HEMK2: variants seen among roughly 807,000 people sequenced by gnomAD.
The protein encoded by HEMK2 is methyltransferase HEMK2.
chr21:28,674,392 T>C, the HEMK2 span, among the ~76,000 whole-genome samples: 2 of 152,190 alleles, frequency 1.3e-5, no homozygotes, highest in Admixed American at 1.3e-4. Flanking sequence ...CCTGAATTCT[T>C]TCTCGCTCAA....
the HEMK2 span, among the ~76,000 whole-genome samples, chr21:28,764,287 G>A: frequency 6.6e-6 from 1 of 152,024 alleles, no homozygotes; most frequent in East Asian, 1.9e-4. Flanking sequence ...GCAAGTTGTT[G>A]TGCATTCATA....
chr21:28,641,339 CTTCT>C, the HEMK2 span, among the ~76,000 whole-genome samples: 1 of 152,162 alleles, frequency 6.6e-6, no homozygotes, highest in African/African-American at 2.4e-5. Flanking sequence ...CCTAGGGTGG[CTTCT>C]TTGAGTTAAA....
At chr21:28,805,148 C>A in the HEMK2 span, among the ~76,000 whole-genome samples, 1 of 152,190 alleles carries the variant, frequency 6.6e-6, no homozygotes, top group Admixed American at 6.5e-5. Flanking sequence ...CCAGATGACA[C>A]AGGGAGAGCT....
the HEMK2 span, among the ~76,000 whole-genome samples, chr21:28,765,831 T>G: frequency 6.6e-6 from 1 of 152,062 alleles, no homozygotes; most frequent in South Asian, 2.1e-4. Context: ...GTGTGAGTAA[T>G]GACTAGCTAA....
chr21:28,718,752 A>G, the HEMK2 span, among the ~76,000 whole-genome samples: 1 of 152,240 alleles, frequency 6.6e-6, no homozygotes, highest in African/African-American at 2.4e-5. Flanking sequence ...TTTACAACAT[A>G]TACATATATT....
the HEMK2 span, among the ~76,000 whole-genome samples, chr21:28,793,247 T>A: frequency 2.0e-5 from 3 of 152,320 alleles, no homozygotes; most frequent in East Asian, 1.9e-4. Flanking sequence ...TCCCATCTAG[T>A]GGTAACCACC....
At chr21:28,766,317 TA>T in the HEMK2 span, among the ~76,000 whole-genome samples, 7 of 149,340 alleles carry the variant, frequency 4.7e-5, no homozygotes, top group Admixed American at 1.3e-4. Context: ...TTTTTTTTTT[TA>T]AAAAAGAATG....
chr21:28,682,611 A>G, the HEMK2 span, among the ~76,000 whole-genome samples: 17 of 152,296 alleles, frequency 1.1e-4, no homozygotes, highest in African/African-American at 3.8e-4. Flanking sequence ...ACGTATATTT[A>G]TTGTGGCACT....
chr21:28,862,955 CCTTT>C, the HEMK2 span, among the ~76,000 whole-genome samples: 2 of 151,896 alleles, frequency 1.3e-5, no homozygotes, highest in Admixed American at 1.3e-4. Context: ...CTTATTATTG[CCTTT>C]ATTTGAAGAT....
At chr21:28,678,418 T>C in the HEMK2 span, among the ~76,000 whole-genome samples, 3 of 152,180 alleles carry the variant, frequency 2.0e-5, no homozygotes, top group East Asian at 3.9e-4. Flanking sequence ...CTACGTCTGA[T>C]TGGTGTACCT....
chr21:28,771,023 G>T, the HEMK2 span, among the ~76,000 whole-genome samples: 1 of 150,936 alleles, frequency 6.6e-6, no homozygotes, highest in South Asian at 2.1e-4. Flanking sequence ...ACACACACGC[G>T]CAACTTACTG....
the HEMK2 span, among the ~76,000 whole-genome samples, chr21:28,609,324 A>G: frequency 1.3e-5 from 2 of 152,184 alleles, no homozygotes; most frequent in African/African-American, 2.4e-5. Flanking sequence ...TTCAGTTCTC[A>G]GGAAGCCCAC....
chr21:28,814,636 A>G, the HEMK2 span, among the ~76,000 whole-genome samples: 1 of 152,190 alleles, frequency 6.6e-6, no homozygotes, highest in African/African-American at 2.4e-5. Flanking sequence ...AAAAATGCTC[A>G]TCATCACTGG....
At chr21:28,876,759 T>C in the HEMK2 span, among the ~76,000 whole-genome samples, 2 of 152,086 alleles carry the variant, frequency 1.3e-5, no homozygotes, top group Non-Finnish European at 2.9e-5. Flanking sequence ...GAAACATTAA[T>C]TGTCATTGTT....
At chr21:28,768,920 C>T in the HEMK2 span, among the ~76,000 whole-genome samples, 3 of 151,906 alleles carry the variant, frequency 2.0e-5, no homozygotes, top group Non-Finnish European at 2.9e-5. Flanking sequence ...AGAGAAAAGG[C>T]TATGTGAGGA....
chr21:28,812,115 T>C, the HEMK2 span, among the ~76,000 whole-genome samples: 1 of 152,184 alleles, frequency 6.6e-6, no homozygotes, highest in Non-Finnish European at 1.5e-5. Flanking sequence ...TTGCTGGGCA[T>C]TAGCTAGCAA....
chr21:28,670,867 C>T, the HEMK2 span: 4 of 152,140 alleles, frequency 2.6e-5, no homozygotes, highest in Non-Finnish European at 4.4e-5. Flanking sequence ...AACTCTCTCA[C>T]TATTACAAGA....
At chr21:28,599,430 T>C in the HEMK2 span, among the ~76,000 whole-genome samples, 3 of 152,320 alleles carry the variant, frequency 2.0e-5, no homozygotes, top group African/African-American at 7.2e-5. Flanking sequence ...CCATCAGATC[T>C]TGTGAGACTT....
chr21:28,697,504 T>G, the HEMK2 span, among the ~76,000 whole-genome samples: 1 of 152,180 alleles, frequency 6.6e-6, no homozygotes, highest in Non-Finnish European at 1.5e-5. Context: ...TTCCCACATC[T>G]GCCTGTCTTC....
Sources: allele counts gnomAD v4.1 joint callset (sites outside exome capture counted in the v4.1 genomes callset), GRCh38; gene constraint gnomAD v4.1.1; transcripts MANE v1.5; gene names NCBI Gene and HGNC (gene_info 2026-07-23, HGNC 2026-07-21).